The following CACNG3 variants were observed in gnomAD, a reference collection of about 807,000 sequenced individuals.
The protein encoded by CACNG3 is calcium voltage-gated channel auxiliary subunit gamma 3.
Under a neutral mutation model 28.5 loss-of-function variants are expected in CACNG3, and 3 were observed. The ratio of observed to expected loss-of-function variants is 0.11; its 90% CI spans 0.05 to 0.27. The LOEUF (loss-of-function observed/expected upper bound fraction) is 0.27, where lower values mean the gene tolerates loss of function less well. Among genes scored for constraint, CACNG3 ranks in the 10% least tolerant of loss-of-function variants. The pLI is 1.00. For missense variants in CACNG3, 236 were observed against 414.4 expected, an observed-to-expected ratio of 0.57 and a Z score of 3.74; for synonymous variants, 174 against 162.2, an observed-to-expected ratio of 1.07 and a Z score of -0.55.
intron 1 of CACNG3, among the ~76,000 whole-genome samples, chr16:24,268,410 G>T (rs1296511803): frequency 6.6e-6 from 1 of 152,154 alleles, no homozygotes. Flanking sequence ...TTAAGGACCT[G>T]GGCTGGTGGG....
rs1567217516 is a variant in CACNG3, at chr16:24,317,624, A to AAGAAAGAC, written c.212-29107_212-29106insAAGACAGA. ...AAAGAAAGAAAGAAAGAAAGAAAGAAAGACAGACAGAAAGAAAGAAAAGAA... is the reference window on the plus strand; with the variant it reads ...AAAGAAAGAAAGAAAGAAAGAAAGAAAGAAAGACAGACAGACAGAAAGAAAGAAAAGAA... On this transcript the variant is annotated intron_variant, in intron 1 of 3. Coordinates refer to ENST00000005284, the MANE Select transcript of CACNG3 (RefSeq NM_006539.4). Among the ~76,000 whole-genome samples, 149 of 56,648 alleles carry AAGAAAGAC rather than the reference A, an allele frequency of 2.6e-3. 15 individuals carry two copies. The highest frequency in any genetic ancestry group is 5.5e-3 in the South Asian group (10 of 1,804). The allele number at this position is 56,648 out of a possible 152,430, so 37.2% of individuals were successfully genotyped here.
At chr16:24,265,350 G>A (rs910747365) in intron 1 of CACNG3, among the ~76,000 whole-genome samples, 2 of 138,810 alleles carry the variant, frequency 1.4e-5, no homozygotes, top group African/African-American at 2.7e-5. Flanking sequence ...GAAAGAAAAA[G>A]GAAAGAAAGA....
chr16:24,310,605 T>C (rs1899248533), intron 1 of CACNG3, among the ~76,000 whole-genome samples: 1 of 152,128 alleles, frequency 6.6e-6, no homozygotes, highest in African/African-American at 2.4e-5. Context: ...GTTTATGACA[T>C]GCCTGGCACT....
chr16:24,290,637 C>T (rs1165571476), intron 1 of CACNG3, among the ~76,000 whole-genome samples: 2 of 152,158 alleles, frequency 1.3e-5, no homozygotes, highest in Non-Finnish European at 2.9e-5. Flanking sequence ...TGGAGTCTCG[C>T]TATGTTCCCC....
At chr16:24,318,753 G>T (rs960190614) in intron 1 of CACNG3, among the ~76,000 whole-genome samples, 5 of 152,156 alleles carry the variant, frequency 3.3e-5, no homozygotes, top group African/African-American at 1.2e-4. Flanking sequence ...CAGAGGAAGG[G>T]CAGCTGTTAA....
At chr16:24,286,430 A>T (rs1272067063) in intron 1 of CACNG3, among the ~76,000 whole-genome samples, 1 of 141,350 alleles carries the variant, frequency 7.1e-6, no homozygotes, top group Non-Finnish European at 1.6e-5. Flanking sequence ...ACACACACAC[A>T]CACATATATA....
intron 1 of CACNG3, among the ~76,000 whole-genome samples, chr16:24,294,231 G>T (rs60183165): frequency 1.3e-5 from 2 of 152,218 alleles, no homozygotes; most frequent in African/African-American, 4.8e-5. Flanking sequence ...GCACCAGAAC[G>T]TCTCCCCTCC....
In CACNG3 at chr16:24,362,353, C is replaced by T. The variant is rs1021604057; in HGVS notation, c.*490C>T. Reference sequence around the variant, plus strand: ...ACCAGAAATCAAAGATGTCAGAGCCCCGAAGCAGCTAATGTAATAAGCACT... The same window carrying T: ...ACCAGAAATCAAAGATGTCAGAGCCTCGAAGCAGCTAATGTAATAAGCACT... On this transcript the variant is annotated 3_prime_UTR_variant, in exon 4 of 4. Transcript: ENST00000005284. The T allele has an allele frequency of 6.4e-6, 1 of 155,410 alleles. No homozygotes were observed. Among genetic ancestry groups the T allele is most frequent in the Non-Finnish European group, 1.4e-5 (1 of 69,902 alleles). The allele number at this position is 155,410 out of a possible 1,614,324, so 9.6% of individuals were successfully genotyped here.
intron 1 of CACNG3, among the ~76,000 whole-genome samples, chr16:24,269,012 A>G (rs1279709117): frequency 6.6e-6 from 1 of 152,212 alleles, no homozygotes. Flanking sequence ...GAAAGGCACC[A>G]GACTTGGAAT....
chr16:24,319,850 A>G (rs999677694), intron 1 of CACNG3, among the ~76,000 whole-genome samples: 2 of 152,178 alleles, frequency 1.3e-5, no homozygotes, highest in East Asian at 3.9e-4. Flanking sequence ...TGCTCACTAC[A>G]ACCTCCGCCT....
chr16:24,300,783 G>A (rs1218952233), intron 1 of CACNG3, among the ~76,000 whole-genome samples: 1 of 152,172 alleles, frequency 6.6e-6, no homozygotes, highest in Non-Finnish European at 1.5e-5. Flanking sequence ...GGGTGGGCCA[G>A]TGGACCACGC....
intron 1 of CACNG3, among the ~76,000 whole-genome samples, chr16:24,264,273 A>G (rs1301745683): frequency 2.6e-5 from 4 of 152,228 alleles, no homozygotes; most frequent in African/African-American, 9.6e-5. Context: ...CGCTCACCAA[A>G]CCATGCACCT....
intron 1 of CACNG3, among the ~76,000 whole-genome samples, chr16:24,332,174 A>G (rs1379883415): frequency 6.6e-6 from 1 of 152,214 alleles, no homozygotes; most frequent in Non-Finnish European, 1.5e-5. Context: ...CAAAAGAATG[A>G]ATCAGGGACC....
intron 1 of CACNG3, among the ~76,000 whole-genome samples, chr16:24,312,240 C>T (rs1899273669): frequency 6.6e-6 from 1 of 152,200 alleles, no homozygotes. Flanking sequence ...ACAAGTCCCT[C>T]CAACTCTTCC....
intron 2 of CACNG3, among the ~76,000 whole-genome samples, chr16:24,353,623 G>T (rs1899988482): frequency 6.6e-6 from 1 of 152,238 alleles, no homozygotes; most frequent in South Asian, 2.1e-4. Flanking sequence ...CTGCGCCCTT[G>T]TGGTGGTTAA....
At chr16:24,320,181 C>T (rs1219984719) in intron 1 of CACNG3, among the ~76,000 whole-genome samples, 1 of 152,174 alleles carries the variant, frequency 6.6e-6, no homozygotes, top group Non-Finnish European at 1.5e-5. Flanking sequence ...CTGCTGTGCT[C>T]ATTATGGTAT....
chr16:24,304,404 T>G (rs1899156822), intron 1 of CACNG3, among the ~76,000 whole-genome samples: 1 of 152,128 alleles, frequency 6.6e-6, no homozygotes, highest in South Asian at 2.1e-4. Context: ...GCACACAGTG[T>G]AGGTATACAA....
At chr16:24,277,816 A>G (rs1898772884) in intron 1 of CACNG3, among the ~76,000 whole-genome samples, 1 of 152,040 alleles carries the variant, frequency 6.6e-6, no homozygotes, top group African/African-American at 2.4e-5. Flanking sequence ...AAGCCATGAA[A>G]GAGTTTTAAG....
chr16:24,330,727 G>A (rs899982523), intron 1 of CACNG3, among the ~76,000 whole-genome samples: 1 of 152,154 alleles, frequency 6.6e-6, no homozygotes, highest in African/African-American at 2.4e-5. Context: ...CTAAGACCCA[G>A]GACACTTGTT....
Sources: gnomAD v4.1 joint callset for allele counts (sites outside exome capture counted in the v4.1 genomes callset) on GRCh38, gnomAD v4.1.1 for gene constraint, MANE v1.5 for transcripts, NCBI Gene and HGNC (gene_info 2026-07-23, HGNC 2026-07-21) for gene names.